The following SORT1 variants were observed in gnomAD, a reference collection of about 807,000 sequenced individuals.
SORT1 encodes sortilin 1, also known as sortilin.
SORT1 carries 39 observed loss-of-function variants against 101.7 expected under a neutral mutation model. The observed-to-expected ratio is 0.38, with a 90% confidence interval of 0.30 to 0.50. The LOEUF is 0.50. Among genes scored for constraint, SORT1 ranks in the 20% least tolerant of loss-of-function variants. The pLI is 0.90. For synonymous variants in SORT1, 396 were observed against 393.7 expected, an observed-to-expected ratio of 1.01 and a Z score of -0.07; for missense variants, 878 against 1,040.4, an observed-to-expected ratio of 0.84 and a Z score of 2.15.
chr1:109,333,053 A>C (rs1376925563), intron 11 of SORT1, among the ~76,000 whole-genome samples: 1 of 152,036 alleles, frequency 6.6e-6, no homozygotes, highest in Non-Finnish European at 1.5e-5. Context: ...TCAGTCTCCC[A>C]AGTAGCTGGG....
At chr1:109,317,457 T>C (rs1446511769) in intron 16 of SORT1, among the ~76,000 whole-genome samples, 4 of 152,206 alleles carry the variant, frequency 2.6e-5, no homozygotes, top group Non-Finnish European at 5.9e-5. Flanking sequence ...GAAAGTCCTA[T>C]CAGACAGAGC....
Position 109,341,929 on chromosome 1 carries a change from G to C in SORT1, c.1108+85C>G, listed in dbSNP as rs997603842. The stretch of plus-strand genomic sequence containing the variant: ...GGCACTAATAAATTTCTAGGGGTAA[G>C]AGGAAAACTCGACATGTAAAAATAA... On this transcript the variant is annotated intron_variant, in intron 9 of 19. Coordinates refer to ENST00000256637, the MANE Select transcript of SORT1 (RefSeq NM_002959.7). 6.6e-5 allele frequency: 86 copies of C among 1,301,332 alleles called. No individual in the cohort carries two copies. In the African/African-American group the frequency reaches 1.2e-3, roughly 18 times the overall value. The allele number at this position is 1,301,332 out of a possible 1,614,324, so 80.6% of individuals were successfully genotyped here.
rs1270313540 is a variant in SORT1 at position 109,314,757 on chromosome 1, G to A, written c.2272C>T (p.Pro758Ser). Residue 758 changes from proline (P) to serine (S), a missense_variant, in exon 18 of 20, where the codon CCA (proline) becomes TCA (serine). This residue lies in a region of SORT1 where 684 missense variants were observed against 894.5 expected (regional missense o/e 0.76). Transcript: ENST00000256637. ...EKQNSKSNSV[P>S]IILAIVGLML... ...AATCCCACGATGGCCAGGATAATTG[G>A]AACAGAATTTGACTTGGAATTCTTG... 3 of 1,607,758 alleles carry A rather than the reference G, an allele frequency of 1.9e-6. No individual in the cohort carries two copies. Among genetic ancestry groups the A allele is most frequent in the Non-Finnish European group, 2.6e-6 (3 of 1,174,440 alleles).
intron 6 of SORT1, among the ~76,000 whole-genome samples, chr1:109,348,801 G>C (rs3879448): frequency 0.64 from 97,588 of 151,862 alleles, 33,123 homozygotes; most frequent in East Asian, 0.96. Context: ...CTAAAGATGA[G>C]TTTTAATGAT....
chr1:109,383,238 C>T (rs965508828), intron 1 of SORT1, among the ~76,000 whole-genome samples: 5 of 152,288 alleles, frequency 3.3e-5, no homozygotes, highest in Admixed American at 3.3e-4. Flanking sequence ...GGCCTGACCC[C>T]ATCAGGAGCA....
chr1:109,357,301 T>C (rs1650388059), intron 3 of SORT1, among the ~76,000 whole-genome samples: 1 of 152,252 alleles, frequency 6.6e-6, no homozygotes, highest in South Asian at 2.1e-4. Flanking sequence ...CTTCGCAGAA[T>C]GTATCCCCAT....
At chr1:109,317,779 T>G in intron 16 of SORT1, 74 bp downstream of exon 16, 1 of 999,704 alleles carries the variant, frequency 1.0e-6, no homozygotes, top group Non-Finnish European at 1.6e-6. Flanking sequence ...TGGATCTCAG[T>G]GTGGAGAGAA....
intron 15 of SORT1, among the ~76,000 whole-genome samples, chr1:109,318,289 AT>A (rs1484613969): frequency 5.3e-5 from 8 of 151,718 alleles, no homozygotes; most frequent in Non-Finnish European, 1.0e-4. Flanking sequence ...AGTAGCTGGG[AT>A]TACAGGTGCA....
intron 10 of SORT1, among the ~76,000 whole-genome samples, chr1:109,338,311 G>C (rs1648976757): frequency 6.6e-6 from 1 of 152,172 alleles, no homozygotes; most frequent in Admixed American, 6.5e-5. Context: ...GATGAGAGTA[G>C]GGCAGATGGA....
rs755869457 is a variant in SORT1, at chr1:109,351,019, G to A, written c.709-17C>T. On this transcript the variant is annotated splice_polypyrimidine_tract_variant and intron_variant, in intron 5 of 19. Coordinates refer to ENST00000256637, the MANE Select transcript of SORT1 (RefSeq NM_002959.7). ...CAGGCCATTCTGAAAGATTATAAAT[G>A]ACTTATCAAAATTCTAGCTTTATCC... 4.5e-6 allele frequency: 7 copies of A among 1,546,456 alleles called. No homozygotes were observed. The South Asian group carries it at 7.8e-5, about 17-fold the overall frequency.
intron 1 of SORT1, among the ~76,000 whole-genome samples, chr1:109,394,830 T>TAA (rs1653102936): frequency 6.6e-6 from 1 of 152,220 alleles, no homozygotes; most frequent in Non-Finnish European, 1.5e-5. Flanking sequence ...TTTTGCTTTT[T>TAA]CTTGGGACTC....
chr1:109,349,424 C>A (rs1649820129), intron 6 of SORT1, among the ~76,000 whole-genome samples: 1 of 151,968 alleles, frequency 6.6e-6, no homozygotes, highest in African/African-American at 2.4e-5. Flanking sequence ...AAAACGAAAG[C>A]AAATGTGGCA....
At chr1:109,390,752 A>AGTGTGTGTGTGTGTGTGTATGT (rs1175153639) in intron 1 of SORT1, among the ~76,000 whole-genome samples, 1 of 144,426 alleles carries the variant, frequency 6.9e-6, no homozygotes, top group African/African-American at 2.7e-5. Flanking sequence ...AATATTAGAA[A>AGTGTGTGTGTGTGTGTGTATGT]GTGTGTGTGT....
At chr1:109,361,086 G>A (rs1267195126) in intron 3 of SORT1, among the ~76,000 whole-genome samples, 1 of 152,182 alleles carries the variant, frequency 6.6e-6, no homozygotes, top group Non-Finnish European at 1.5e-5. Context: ...AATTTAGATA[G>A]ACTGAGAATT....
intron 11 of SORT1, among the ~76,000 whole-genome samples, chr1:109,333,572 C>A (rs1648600248): frequency 6.6e-6 from 1 of 151,958 alleles, no homozygotes; most frequent in South Asian, 2.1e-4. Context: ...AATAATCCAA[C>A]TAAAAAATGG....
chr1:109,333,085 A>G (rs995847372), intron 11 of SORT1, among the ~76,000 whole-genome samples: 26 of 152,056 alleles, frequency 1.7e-4, no homozygotes, highest in Non-Finnish European at 1.6e-4. Context: ...ACATCACCAT[A>G]CCCAGCTAAT....
chr1:109,321,452 G>A (rs535787837), intron 15 of SORT1, among the ~76,000 whole-genome samples: 3 of 152,236 alleles, frequency 2.0e-5, no homozygotes, highest in Non-Finnish European at 4.4e-5. Context: ...TGAAGAGCTT[G>A]GCATATTTGG....
intron 11 of SORT1, among the ~76,000 whole-genome samples, chr1:109,329,613 TAAAG>T (rs1263962036): frequency 6.6e-6 from 1 of 152,142 alleles, no homozygotes. Flanking sequence ...TCACAAGGGA[TAAAG>T]AAAGTTACCA....
intron 1 of SORT1, among the ~76,000 whole-genome samples, chr1:109,384,644 C>A (rs903678026): frequency 6.6e-6 from 1 of 152,096 alleles, no homozygotes; most frequent in Non-Finnish European, 1.5e-5. Flanking sequence ...AGAGAATATC[C>A]AAGACAGGGC....
Sources: allele counts gnomAD v4.1 joint callset (sites outside exome capture counted in the v4.1 genomes callset), GRCh38; gene constraint gnomAD v4.1.1; regional missense constraint gnomAD v4.1.1; transcripts MANE v1.5; gene names NCBI Gene and HGNC (gene_info 2026-07-23, HGNC 2026-07-21).